Variants in PCDHGA7 observed in about 807,000 individuals in gnomAD.
PCDHGA7 encodes protocadherin gamma-A7.
PCDHGA7 carries 44 observed loss-of-function variants against 58.3 expected under a neutral mutation model. The ratio of observed to expected loss-of-function variants is 0.75; its 90% CI spans 0.59 to 0.97. The LOEUF is 0.97. Ranked by LOEUF, PCDHGA7 falls within the 50% of genes least tolerant of loss-of-function variation. PCDHGA7 has a pLI of 0.00. For missense variants in PCDHGA7, 1,266 were observed against 1,188.7 expected (o/e 1.06, Z -0.96); for synonymous variants, 516 against 504.2 (o/e 1.02, Z -0.31).
intron 1 of PCDHGA7, among the ~76,000 whole-genome samples, chr5:141,426,005 G>A (rs189148799): frequency 4.1e-4 from 63 of 152,202 alleles, no homozygotes; most frequent in Admixed American, 2.1e-3. Flanking sequence ...AAAGGCTTCC[G>A]GCTGCAGTTT....
At chr5:141,506,487 G>A (rs1265051912) in intron 3 of PCDHGA7, among the ~76,000 whole-genome samples, 3 of 150,464 alleles carry the variant, frequency 2.0e-5, no homozygotes, top group Non-Finnish European at 4.4e-5. Flanking sequence ...TTAGAGGCAG[G>A]CCAATCTGGA....
intron 1 of PCDHGA7, chr5:141,385,861 G>A (rs561611576): frequency 8.5e-5 from 13 of 153,290 alleles, no homozygotes; most frequent in African/African-American, 2.6e-4. Flanking sequence ...GGTGGTAGTA[G>A]AAGGTTGGAT....
At chr5:141,436,239 G>T (rs1426798903) in intron 1 of PCDHGA7, among the ~76,000 whole-genome samples, 2 of 152,012 alleles carry the variant, frequency 1.3e-5, no homozygotes, top group South Asian at 2.1e-4. Flanking sequence ...AAGCTAACAT[G>T]GTCTAATTAT....
At chr5:141,416,620 G>T (rs1395913352) in intron 1 of PCDHGA7, 1 of 152,142 alleles carries the variant, frequency 6.6e-6, no homozygotes, top group Non-Finnish European at 1.5e-5. Flanking sequence ...CATTTCTGCA[G>T]ATCAGAATAT....
rs1040753474 is a variant in PCDHGA7 at position 141,511,446 on chromosome 5, G to T, written c.*273G>T. 3.1e-6 allele frequency: 2 copies of T among 654,526 alleles called. No individual in the cohort carries two copies. The highest frequency in any genetic ancestry group is 3.7e-5 in the African/African-American group (2 of 54,758). 40.5% of individuals were successfully genotyped at this position (654,526 alleles called of 1,614,324 possible). A position where few individuals can be genotyped will look rare whatever the true frequency, so the allele number is the denominator to read the frequency against. ...GTAGTGGGGTTACTGTAGACACCAA[G>T]AACCATTTGCCACACCCCGTTTAGT... On this transcript the variant is annotated 3_prime_UTR_variant, in exon 4 of 4. Transcript: ENST00000518325.
At position 141,384,485 on chromosome 5, in the gene PCDHGA7, A is replaced by G. The variant is rs1410076707; in HGVS notation, c.1586A>G (p.Gln529Arg). ...SFDYEQLREL[Q>R]LRVTAHDSGD... Reference sequence around the variant, plus strand: ...GATTATGAGCAGTTGAGAGAACTACAACTAAGAGTGACTGCACATGACAGC... The same window carrying G: ...GATTATGAGCAGTTGAGAGAACTACGACTAAGAGTGACTGCACATGACAGC... Residue 529 changes from glutamine (Q) to arginine (R), a missense_variant, in exon 1 of 4, where the codon CAA (glutamine) becomes CGA (arginine). Transcript: ENST00000518325. 6.2e-7 allele frequency: 1 copy of G among 1,614,130 alleles called. No homozygotes were observed. The highest frequency in any genetic ancestry group is 8.5e-7 in the Non-Finnish European group (1 of 1,179,996).
chr5:141,423,610 G>GT, intron 1 of PCDHGA7: 1 of 1,611,424 alleles, frequency 6.2e-7, no homozygotes, highest in African/African-American at 1.3e-5. Context: ...ACTCTTGATA[G>GT]CTGAAGACTC....
intron 2 of PCDHGA7, among the ~76,000 whole-genome samples, chr5:141,497,393 CT>C (rs1035907100): frequency 2.1e-4 from 32 of 152,254 alleles, no homozygotes; most frequent in African/African-American, 7.5e-4. Context: ...CACCTTACCC[CT>C]GCCTCAACTC....
Position 141,384,778 on chromosome 5 carries a change from C to T in PCDHGA7, c.1879C>T (p.Arg627Cys), listed in dbSNP as rs1206898496. Reference protein sequence around the residue: ...FAVGLYTGEVRTARALLDRDA... With the variant: ...FAVGLYTGEVCTARALLDRDA... ...GGTTGGGCTGTACACGGGCGAGGTG[C>T]GCACGGCTCGGGCCCTGCTGGACAG... The change falls in exon 1 of 4, where the codon CGC becomes TGC. Residue 627 changes from arginine (R) to cysteine (C), a missense_variant. By Grantham distance (180) the Arg-to-Cys change is radical. Transcript: ENST00000518325. 3.7e-6 allele frequency: 6 copies of T among 1,613,608 alleles called. No individual in the cohort carries two copies. The highest frequency in any genetic ancestry group is 2.2e-5 in the East Asian group (1 of 44,880).
chr5:141,462,078 C>T (rs2154567608), intron 1 of PCDHGA7, among the ~76,000 whole-genome samples: 1 of 152,304 alleles, frequency 6.6e-6, no homozygotes, highest in East Asian at 1.9e-4. Flanking sequence ...CCGCCTTGGC[C>T]TCCCAAAATG....
rs373591066 is a variant in PCDHGA7, at chr5:141,404,487, G to T, written c.2424+19164G>T. 8 of 1,613,840 alleles carry T rather than the reference G, an allele frequency of 5.0e-6. No homozygotes were observed. In the East Asian group the frequency reaches 1.8e-4, roughly 36 times the overall value. The stretch of plus-strand genomic sequence containing the variant: ...TATGTCTCTATTAACTCAGACACTG[G>T]TGTGCTGTATGCTCTGTGCTCCTTT... On this transcript the variant is annotated intron_variant, in intron 1 of 3. Transcript: ENST00000518325.
chr5:141,386,866 A>G (rs2150322529), intron 1 of PCDHGA7, among the ~76,000 whole-genome samples: 1 of 152,364 alleles, frequency 6.6e-6, no homozygotes, highest in East Asian at 1.9e-4. Context: ...AGCTATTGCA[A>G]TCAAACTTTC....
intron 1 of PCDHGA7, chr5:141,408,367 G>T: frequency 6.2e-7 from 1 of 1,613,998 alleles, no homozygotes; most frequent in Non-Finnish European, 8.5e-7. Context: ...AGGATCTAGG[G>T]CTCAGTGTCC....
chr5:141,496,377 G>A (rs1413938730), intron 2 of PCDHGA7, among the ~76,000 whole-genome samples: 1 of 152,114 alleles, frequency 6.6e-6, no homozygotes, highest in Non-Finnish European at 1.5e-5. Flanking sequence ...CAGGAGCTTG[G>A]GCCACCTTAC....
At chr5:141,385,582 G>T (rs1192405517) in intron 1 of PCDHGA7, 42 of 1,273,732 alleles carry the variant, frequency 3.3e-5, no homozygotes, top group Non-Finnish European at 4.1e-5. Context: ...TCCAATCTAT[G>T]TTCCAACCTA....
At chr5:141,466,655 AT>A (rs754296083) in intron 1 of PCDHGA7, among the ~76,000 whole-genome samples, 3 of 152,206 alleles carry the variant, frequency 2.0e-5, no homozygotes, top group Non-Finnish European at 4.4e-5. Context: ...TTCACAAAAC[AT>A]CAGTGATTTC....
At position 141,486,821 on chromosome 5, in the gene PCDHGA7, A is replaced by T. The variant is rs756652952; in HGVS notation, c.2425-7986A>T. On this transcript the variant is annotated intron_variant, in intron 1 of 3. Transcript: ENST00000518325. The surrounding 1 kb of genome is among the most constrained non-coding windows in gnomAD (Gnocchi z 5.0). ...CAACCCACCCCTTAGCAGCACTGTA[A>T]CAGTTCGTCTATTTGTGCTGGACCT... 36 of 1,614,116 alleles carry T rather than the reference A, an allele frequency of 2.2e-5. No individual in the cohort carries two copies. In the South Asian group the frequency reaches 3.4e-4, roughly 15 times the overall value.
chr5:141,434,429 C>T (rs1379210960), intron 1 of PCDHGA7, among the ~76,000 whole-genome samples: 2 of 152,152 alleles, frequency 1.3e-5, no homozygotes, highest in Admixed American at 6.5e-5. Flanking sequence ...TCATGATGGC[C>T]GTAATGCCCA....
At chr5:141,501,326 CACACACA>C (rs1562200783) in intron 2 of PCDHGA7, among the ~76,000 whole-genome samples, 10 of 151,784 alleles carry the variant, frequency 6.6e-5, no homozygotes, top group African/African-American at 1.9e-4. Flanking sequence ...CACACACACA[CACACACA>C]CCCCAAACTC....
Sources: allele counts gnomAD v4.1 joint callset (sites outside exome capture counted in the v4.1 genomes callset), GRCh38; gene constraint gnomAD v4.1.1; non-coding constraint Gnocchi (gnomAD v3.1); transcripts MANE v1.5; gene names NCBI Gene and HGNC (gene_info 2026-07-23, HGNC 2026-07-21).